MYRIP: variants seen among roughly 807,000 people sequenced by gnomAD.
MYRIP encodes the protein myosin VIIA and Rab interacting protein, also known as rab effector MyRIP.
MYRIP carries 49 observed loss-of-function variants against 98.0 expected under a neutral mutation model. The observed-to-expected ratio is 0.50, with a 90% CI of 0.40 to 0.63. The LOEUF (loss-of-function observed/expected upper bound fraction) is 0.63, where lower values mean the gene tolerates loss of function less well. MYRIP is among the 30% of genes least tolerant of loss of function. The pLI is 0.00. For synonymous variants in MYRIP, 404 were observed against 409.5 expected (o/e 0.99, Z 0.16); for missense variants, 1,004 against 1,058.2 (o/e 0.95, Z 0.71).
rs1275772034 is a variant in MYRIP, at chr3:39,889,698, AT to A, written c.-30-11083del. 4.6e-5 allele frequency among the ~76,000 whole-genome samples: 7 copies of A among 151,790 alleles called. No homozygotes were observed. The East Asian group carries it at 1.4e-3, about 29-fold the overall frequency. On this transcript the variant is annotated intron_variant, in intron 1 of 16. Transcript: ENST00000302541. ...GTATAATAATAATTAAAAAAAGACA[AT>A]TTTTTCCTCATTTGACTTTGCTTAT...
chr3:39,989,235 T>TTGAATTGTTGTTGC (rs1288900313), intron 2 of MYRIP, among the ~76,000 whole-genome samples: 6 of 152,216 alleles, frequency 3.9e-5, no homozygotes, highest in Non-Finnish European at 8.8e-5. Flanking sequence ...ATTGTTGTTG[T>TTGAATTGTTGTTGC]TGCATTGTTG....
chr3:40,058,642 A>G (rs1479285764), intron 3 of MYRIP, among the ~76,000 whole-genome samples: 1 of 152,194 alleles, frequency 6.6e-6, no homozygotes, highest in African/African-American at 2.4e-5. Flanking sequence ...AACATTATCT[A>G]TCCTAAGGAA....
intron 3 of MYRIP, among the ~76,000 whole-genome samples, chr3:40,142,539 C>A (rs1267327944): frequency 1.3e-5 from 2 of 151,670 alleles, no homozygotes; most frequent in African/African-American, 4.8e-5. Flanking sequence ...CTTGGCACCT[C>A]GCAACCTCTG....
intron 3 of MYRIP, among the ~76,000 whole-genome samples, chr3:40,047,103 C>T (rs1294093140): frequency 2.0e-5 from 3 of 152,166 alleles, no homozygotes; most frequent in East Asian, 1.9e-4. Context: ...AACCTTGCCT[C>T]GCAAAAGCAA....
In MYRIP at chr3:40,044,239, G is replaced by A. The variant is rs75059664; in HGVS notation, c.300G>A (p.Lys100=). 3.0e-3 allele frequency: 4,907 copies of A among 1,614,182 alleles called. 24 individuals are homozygous for A. The highest frequency in any genetic ancestry group is 0.012 in the Middle Eastern group (70 of 6,060). ...KSCCSYQKHE[K]AWVCCVCQQA... is the part of the protein sequence containing the mutation. ...GCTGCTCCTACCAGAAGCACGAAAA[G>A]GCCTGGGTCTGCTGCGTCTGCCAGC... Residue 100 remains lysine, a synonymous_variant, in exon 3 of 17, where the codon AAG becomes AAA. Coordinates refer to ENST00000302541, the MANE Select transcript of MYRIP (RefSeq NM_015460.4).
At chr3:39,897,669 G>C (rs1413034143) in intron 1 of MYRIP, among the ~76,000 whole-genome samples, 4 of 152,108 alleles carry the variant, frequency 2.6e-5, no homozygotes, top group African/African-American at 9.7e-5. Flanking sequence ...GCCTTCTCCA[G>C]CTCTAGGATG....
intron 3 of MYRIP, among the ~76,000 whole-genome samples, chr3:40,138,696 A>G (rs1949832496): frequency 6.6e-6 from 1 of 152,118 alleles, no homozygotes. Flanking sequence ...ATAATTTTAC[A>G]TATTTATGGA....
chr3:40,009,395 C>T (rs1205328312), intron 2 of MYRIP, among the ~76,000 whole-genome samples: 1 of 152,120 alleles, frequency 6.6e-6, no homozygotes, highest in Admixed American at 6.5e-5. Context: ...TGCCACCACA[C>T]CTGGCTAATT....
intron 2 of MYRIP, among the ~76,000 whole-genome samples, chr3:40,003,003 C>A (rs930485629): frequency 6.7e-6 from 1 of 149,052 alleles, no homozygotes; most frequent in African/African-American, 2.5e-5. Flanking sequence ...GGTATATATA[C>A]ATGTATAAAT....
intron 1 of MYRIP, among the ~76,000 whole-genome samples, chr3:39,833,303 TG>T (rs1258278506): frequency 3.9e-5 from 6 of 152,206 alleles, no homozygotes; most frequent in African/African-American, 9.6e-5. Context: ...TTTTTTGGGT[TG>T]GGGGGTTAAT....
intron 2 of MYRIP, among the ~76,000 whole-genome samples, chr3:39,908,132 A>G (rs1943924958): frequency 6.6e-6 from 1 of 152,178 alleles, no homozygotes; most frequent in Non-Finnish European, 1.5e-5. Context: ...TCTGTGGAGT[A>G]GCAGGGGTTA....
intron 1 of MYRIP, among the ~76,000 whole-genome samples, chr3:39,862,611 A>T (rs1942507232): frequency 1.3e-5 from 2 of 152,228 alleles, no homozygotes; most frequent in African/African-American, 4.8e-5. Context: ...CTAAATATAT[A>T]CACATCCAAC....
chr3:40,179,241 C>T (rs1225275817), intron 8 of MYRIP, among the ~76,000 whole-genome samples: 1 of 152,162 alleles, frequency 6.6e-6, no homozygotes, highest in Non-Finnish European at 1.5e-5. Context: ...AGACTGTAGG[C>T]CACCAGTGTC....
At chr3:40,075,717 G>C (rs1386633132) in intron 3 of MYRIP, among the ~76,000 whole-genome samples, 1 of 152,122 alleles carries the variant, frequency 6.6e-6, no homozygotes, top group East Asian at 1.9e-4. Flanking sequence ...CCAGTGTGTA[G>C]TATGGTCTCT....
At chr3:40,048,765 A>G (rs1947724947) in intron 3 of MYRIP, among the ~76,000 whole-genome samples, 1 of 152,186 alleles carries the variant, frequency 6.6e-6, no homozygotes, top group African/African-American at 2.4e-5. Flanking sequence ...TTGCATTAAA[A>G]TGTATTTCTG....
At chr3:39,927,062 C>T (rs1944434648) in intron 2 of MYRIP, among the ~76,000 whole-genome samples, 1 of 151,748 alleles carries the variant, frequency 6.6e-6, no homozygotes, top group Non-Finnish European at 1.5e-5. Context: ...TGGAAATATT[C>T]CTAGGTGTGT....
chr3:39,893,705 C>CAT lies in MYRIP; in HGVS notation c.-30-7081_-30-7080insTA, dbSNP rs1276743107. 2.7e-5 allele frequency among the ~76,000 whole-genome samples: 4 copies of CAT among 149,218 alleles called. No homozygotes were observed. The East Asian group carries it at 7.8e-4, about 29-fold the overall frequency. ...ACACACACACACACACACACACACA[C>CAT]ACGCATGCACACATACATTGTTTAG... On this transcript the variant is annotated intron_variant, in intron 1 of 16. Coordinates refer to ENST00000302541, the MANE Select transcript of MYRIP (RefSeq NM_015460.4).
At chr3:39,933,604 T>C (rs1585285) in intron 2 of MYRIP, among the ~76,000 whole-genome samples, 56,401 of 152,020 alleles carry the variant, frequency 0.37, 10,771 homozygotes, top group East Asian at 0.45. Context: ...TTCCCATACA[T>C]CTTTACTTTT....
intron 2 of MYRIP, among the ~76,000 whole-genome samples, chr3:39,964,115 TG>T (rs1322060381): frequency 6.6e-6 from 1 of 152,148 alleles, no homozygotes; most frequent in Non-Finnish European, 1.5e-5. Flanking sequence ...GAATGTCACC[TG>T]ATGCATTTAA....
Sources: allele counts gnomAD v4.1 joint callset (sites outside exome capture counted in the v4.1 genomes callset), GRCh38; gene constraint gnomAD v4.1.1; transcripts MANE v1.5; gene names NCBI Gene and HGNC (gene_info 2026-07-23, HGNC 2026-07-21).